TACC2: variants seen among roughly 807,000 people sequenced by gnomAD.
TACC2 encodes the protein transforming acidic coiled-coil containing protein 2.
In TACC2, 137 loss-of-function variants were observed where a neutral mutation model predicts 227.3. That is an observed-to-expected ratio of 0.60 (90% CI 0.52 to 0.69). The LOEUF is 0.69. Among genes scored for constraint, TACC2 ranks in the 30% least tolerant of loss-of-function variants. TACC2 has a pLI of 0.00. For missense variants in TACC2, 3,470 were observed against 3,694.4 expected, an observed-to-expected ratio of 0.94 and a Z score of 1.57; for synonymous variants, 1,523 against 1,487.5, an observed-to-expected ratio of 1.02 and a Z score of -0.55.
At chr10:122,120,625 G>A (rs547637479) in intron 5 of TACC2, among the ~76,000 whole-genome samples, 8 of 152,296 alleles carry the variant, frequency 5.3e-5, no homozygotes, top group South Asian at 2.1e-4. Context: ...GCTCAGCCTC[G>A]TGCGGCCTTG....
At chr10:122,230,525 C>A in intron 16 of TACC2, 85 bp downstream of exon 16, 1 of 1,275,952 alleles carries the variant, frequency 7.8e-7, no homozygotes, top group Non-Finnish European at 1.1e-6. Flanking sequence ...TAACCATCCG[C>A]CAGGCGGGCA....
intron 5 of TACC2, among the ~76,000 whole-genome samples, chr10:122,115,821 C>G (rs897837637): frequency 2.0e-5 from 3 of 151,922 alleles, no homozygotes; most frequent in African/African-American, 7.3e-5. Flanking sequence ...CTTGGATTTA[C>G]TGTAGCTGGG....
At chr10:122,242,670 GAGAAA>G (rs1162936209) in intron 19 of TACC2, among the ~76,000 whole-genome samples, 3 of 151,874 alleles carry the variant, frequency 2.0e-5, no homozygotes, top group South Asian at 4.2e-4. Flanking sequence ...TTTAAATAAT[GAGAAA>G]AGATCTTGCA....
chr10:122,132,080 AAGAG>A (rs113613317), intron 5 of TACC2, among the ~76,000 whole-genome samples: 1 of 100,486 alleles, frequency 1.0e-5, no homozygotes, highest in Non-Finnish European at 1.9e-5. Flanking sequence ...GAAAGAAAGA[AAGAG>A]AAAGATCTAC....
chr10:122,125,084 T>C (rs1015779769), intron 5 of TACC2, among the ~76,000 whole-genome samples: 2 of 151,926 alleles, frequency 1.3e-5, no homozygotes, highest in Non-Finnish European at 1.5e-5. Flanking sequence ...GCAGTGTACC[T>C]TTTTCCGTCT....
intron 7 of TACC2, among the ~76,000 whole-genome samples, chr10:122,155,833 A>ATTTTTTTTTTT (rs66559186): frequency 2.5e-5 from 3 of 118,304 alleles, no homozygotes; most frequent in Non-Finnish European, 3.3e-5. Context: ...TAGTGGGAAA[A>ATTTTTTTTTTT]TTTTTTTTTT....
chr10:122,253,281 AG>A (rs2096283165), intron 22 of TACC2, among the ~76,000 whole-genome samples: 1 of 152,242 alleles, frequency 6.6e-6, no homozygotes, highest in Non-Finnish European at 1.5e-5. Flanking sequence ...GATCAGCATC[AG>A]AGCCAGCATG....
chr10:122,124,082 G>A (rs1010297096), intron 5 of TACC2, among the ~76,000 whole-genome samples: 12 of 152,098 alleles, frequency 7.9e-5, no homozygotes, highest in African/African-American at 2.9e-4. Context: ...AAAGTGCTGC[G>A]ATTATAGTCA....
intron 7 of TACC2, among the ~76,000 whole-genome samples, chr10:122,173,207 T>C (rs1301917783): frequency 6.6e-6 from 1 of 152,242 alleles, no homozygotes; most frequent in Non-Finnish European, 1.5e-5. Context: ...GTCCAAAGCA[T>C]CAGAGTTTTT....
intron 7 of TACC2, among the ~76,000 whole-genome samples, chr10:122,189,745 A>G (rs2094343823): frequency 6.6e-6 from 1 of 152,260 alleles, no homozygotes; most frequent in Non-Finnish European, 1.5e-5. Context: ...CAAATGTTAT[A>G]TAAACTTTAG....
At chr10:122,004,855 A>C (rs990591632) in intron 1 of TACC2, among the ~76,000 whole-genome samples, 48 of 152,122 alleles carry the variant, frequency 3.2e-4, no homozygotes, top group Non-Finnish European at 1.6e-4. Flanking sequence ...GGCACTTACA[A>C]TTATTATTAT....
intron 19 of TACC2, chr10:122,245,047 T>C (rs1333329143): frequency 6.6e-6 from 1 of 152,256 alleles, no homozygotes; most frequent in African/African-American, 2.4e-5. Flanking sequence ...TCTTGCCCTT[T>C]GCTTGCAAAA....
intron 7 of TACC2, among the ~76,000 whole-genome samples, chr10:122,161,145 A>G (rs1373879631): frequency 1.3e-5 from 2 of 152,134 alleles, no homozygotes; most frequent in Non-Finnish European, 2.9e-5. Context: ...TATGTTGCCC[A>G]GGCTGGTCTT....
At position 122,227,944 on chromosome 10, in the gene TACC2, A is replaced by G. The variant is rs577886780; in HGVS notation, c.7832A>G (p.Glu2611Gly). The change falls in exon 14 of 23, where the codon GAG becomes GGG. Residue 2611 changes from glutamate (E) to glycine (G), a missense_variant. Coordinates refer to ENST00000369005, the MANE Select transcript of TACC2 (RefSeq NM_206862.4). ...PNQESHLQVP[E>G]KSSQKELEAM... ...CAAGAGTCACACTTGCAGGTGCCAG[A>G]GAAATCCTCCCAGAAGGAGCTGGAG... 164 of 1,614,260 alleles carry G rather than the reference A, an allele frequency of 1.0e-4. 3 individuals are homozygous for G. The South Asian group carries it at 1.8e-3, about 17-fold the overall frequency.
intron 1 of TACC2, among the ~76,000 whole-genome samples, chr10:121,996,688 A>G (rs1392176212): frequency 6.6e-6 from 1 of 152,184 alleles, no homozygotes; most frequent in African/African-American, 2.4e-5. Flanking sequence ...CACATGACTG[A>G]GAGAACGAGG....
chr10:122,183,539 G>A (rs1321900547), intron 7 of TACC2, among the ~76,000 whole-genome samples: 3 of 152,160 alleles, frequency 2.0e-5, no homozygotes, highest in African/African-American at 7.2e-5. Flanking sequence ...ATAGACATGT[G>A]AGACACCCCC....
At chr10:122,219,355 G>A (rs541664581) in intron 11 of TACC2, among the ~76,000 whole-genome samples, 1 of 152,278 alleles carries the variant, frequency 6.6e-6, no homozygotes, top group South Asian at 2.1e-4. Context: ...CTGGGGATAT[G>A]AAACACCGTA....
intron 1 of TACC2, chr10:121,994,520 A>G (rs10159634): frequency 0.15 from 23,141 of 152,332 alleles, 2,182 homozygotes; most frequent in Admixed American, 0.24. Context: ...GGCCTGGGTC[A>G]GATTGCTTAC....
intron 5 of TACC2, chr10:122,127,216 A>G (rs1592322326): frequency 6.5e-6 from 1 of 153,398 alleles, no homozygotes; most frequent in South Asian, 2.0e-4. Flanking sequence ...GAGCCAATGA[A>G]GACACCACCC....
Sources: allele counts gnomAD v4.1 joint callset (sites outside exome capture counted in the v4.1 genomes callset), GRCh38; gene constraint gnomAD v4.1.1; transcripts MANE v1.5; gene names NCBI Gene and HGNC (gene_info 2026-07-23, HGNC 2026-07-21).